Variants in NRXN3 observed in about 807,000 individuals in gnomAD.
NRXN3 encodes the protein neurexin 3, also known as neurexin III.
A neutral mutation model predicts 137.6 loss-of-function variants in NRXN3; 32 were observed. The observed-to-expected ratio is 0.23, with a 90% CI of 0.18 to 0.31. The LOEUF is 0.31. Ranked by LOEUF, NRXN3 falls within the 10% of genes least tolerant of loss-of-function variation. The pLI is 1.00. For missense variants in NRXN3, 1,574 were observed against 2,062.5 expected (o/e 0.76, Z 4.59); for synonymous variants, 798 against 784.5 (o/e 1.02, Z -0.29).
chr14:79,246,566 A>G (rs2075217852), intron 15 of NRXN3: 1 of 152,030 alleles, frequency 6.6e-6, no homozygotes, highest in Non-Finnish European at 1.5e-5. Context: ...TTTTTTTAAC[A>G]CACACACACA....
At chr14:79,253,192 G>T (rs568798693) in intron 15 of NRXN3, among the ~76,000 whole-genome samples, 13 of 152,270 alleles carry the variant, frequency 8.5e-5, no homozygotes, top group Admixed American at 4.6e-4. Flanking sequence ...GCAAAAGAAA[G>T]AATCCTGTCA....
intron 4 of NRXN3, among the ~76,000 whole-genome samples, chr14:78,530,390 C>A (rs2096443844): frequency 6.6e-6 from 1 of 152,148 alleles, no homozygotes; most frequent in Non-Finnish European, 1.5e-5. Context: ...TTACTTAGAC[C>A]CTTTTTATTT....
intron 4 of NRXN3, among the ~76,000 whole-genome samples, chr14:78,465,244 C>T (rs1286265305): frequency 6.6e-6 from 1 of 151,892 alleles, no homozygotes; most frequent in Non-Finnish European, 1.5e-5. Context: ...CACTATCATA[C>T]TTTTAGAGAA....
At chr14:78,488,466 A>G (rs1203594188) in intron 4 of NRXN3, among the ~76,000 whole-genome samples, 3 of 152,198 alleles carry the variant, frequency 2.0e-5, no homozygotes, top group Non-Finnish European at 4.4e-5. Flanking sequence ...AACATCCTAG[A>G]AATTAATTTA....
At chr14:78,935,489 C>G (rs2099334373) in intron 10 of NRXN3, among the ~76,000 whole-genome samples, 1 of 152,108 alleles carries the variant, frequency 6.6e-6, no homozygotes, top group African/African-American at 2.4e-5. Context: ...CCTATGCCCA[C>G]CCTCTCACAT....
At chr14:78,571,616 T>C (rs1338391152) in intron 4 of NRXN3, among the ~76,000 whole-genome samples, 1 of 152,162 alleles carries the variant, frequency 6.6e-6, no homozygotes, top group Non-Finnish European at 1.5e-5. Flanking sequence ...TCTTGGGTAT[T>C]TAGAATACAG....
chr14:79,168,518 T>G (rs958479820), intron 15 of NRXN3, among the ~76,000 whole-genome samples: 1 of 152,034 alleles, frequency 6.6e-6, no homozygotes, highest in African/African-American at 2.4e-5. Context: ...GTTTTTAAAT[T>G]TTTTAGGTGC....
intron 8 of NRXN3, among the ~76,000 whole-genome samples, chr14:78,794,694 T>C (rs1256203362): frequency 2.0e-5 from 3 of 152,010 alleles, no homozygotes; most frequent in Non-Finnish European, 4.4e-5. Flanking sequence ...CTGTTAATGA[T>C]GGCATGATTT....
intron 20 of NRXN3, among the ~76,000 whole-genome samples, chr14:79,857,333 T>C (rs1603620228): frequency 1.3e-5 from 2 of 152,318 alleles, no homozygotes; most frequent in South Asian, 4.1e-4. Flanking sequence ...GCCATTCTCC[T>C]GCCTCAGCCT....
chr14:78,389,118 C>A (rs987140604), intron 4 of NRXN3, among the ~76,000 whole-genome samples: 1 of 151,286 alleles, frequency 6.6e-6, no homozygotes, highest in Non-Finnish European at 1.5e-5. Context: ...TGCAGTGACA[C>A]CATCTCGGCT....
chr14:78,972,172 A>C (rs1213136649), intron 14 of NRXN3, among the ~76,000 whole-genome samples: 2 of 152,186 alleles, frequency 1.3e-5, no homozygotes, highest in East Asian at 3.9e-4. Context: ...TATTGAGGCC[A>C]GCTTTGCTGC....
At chr14:79,170,667 C>A (rs1347749875) in intron 15 of NRXN3, among the ~76,000 whole-genome samples, 4 of 152,050 alleles carry the variant, frequency 2.6e-5, no homozygotes, top group Non-Finnish European at 5.9e-5. Flanking sequence ...GGAATTGTCT[C>A]GACTTTTCCC....
chr14:79,770,952 G>A (rs1200465841), intron 19 of NRXN3, among the ~76,000 whole-genome samples: 5 of 152,044 alleles, frequency 3.3e-5, no homozygotes, highest in Non-Finnish European at 4.4e-5. Context: ...TATCACCACC[G>A]ATCCCACAGA....
chr14:79,401,561 C>T (rs906470113), intron 15 of NRXN3, among the ~76,000 whole-genome samples: 1 of 152,226 alleles, frequency 6.6e-6, no homozygotes, highest in Non-Finnish European at 1.5e-5. Context: ...TGAAGAATAG[C>T]GTCTTCTGCT....
intron 1 of NRXN3, among the ~76,000 whole-genome samples, chr14:78,215,811 T>A (rs545362199): frequency 8.0e-4 from 121 of 151,006 alleles, no homozygotes; most frequent in Middle Eastern, 6.8e-3. Context: ...AGGTGGCCAC[T>A]CTTTGGATCT....
At chr14:78,466,438 AGAG>A (rs2095108810) in intron 4 of NRXN3, among the ~76,000 whole-genome samples, 1 of 152,226 alleles carries the variant, frequency 6.6e-6, no homozygotes, top group African/African-American at 2.4e-5. Flanking sequence ...TTCTATGGAC[AGAG>A]GAGAACATTC....
chr14:78,651,753 T>C lies in NRXN3; in HGVS notation c.1221+427T>C, dbSNP rs185365059. On this transcript the variant is annotated intron_variant, in intron 6 of 20. Transcript: ENST00000335750. Reference sequence around the variant, plus strand: ...TAAAACCATCAGATCTTATGAGACTTATTCACTATCATGAGAACAGCATGG... The same window carrying C: ...TAAAACCATCAGATCTTATGAGACTCATTCACTATCATGAGAACAGCATGG... Among the ~76,000 whole-genome samples the C allele has an allele frequency of 2.0e-5, 3 of 150,810 alleles. No individual in the cohort carries two copies. The East Asian group carries it at 5.8e-4, about 29-fold the overall frequency.
At chr14:79,758,178 A>T (rs955602852) in intron 19 of NRXN3, among the ~76,000 whole-genome samples, 2 of 152,160 alleles carry the variant, frequency 1.3e-5, no homozygotes. Flanking sequence ...ATTCCCTCTT[A>T]TTCCCTTTAT....
In NRXN3 at chr14:78,325,158, C is replaced by T. The variant is rs538406033; in HGVS notation, c.757+27298C>T. On this transcript the variant is annotated intron_variant, in intron 4 of 20. Coordinates refer to ENST00000335750, the MANE Select transcript of NRXN3 (RefSeq NM_001330195.2). ...AAATATATAAAAATTAGCATCAGGA[C>T]AGGAATGAGACAAAGGTCCAAGGCC... is the stretch of plus-strand genomic sequence containing the variant. 1.5e-4 allele frequency among the ~76,000 whole-genome samples: 23 copies of T among 151,926 alleles called. 1 individual carries two copies. The highest frequency in any genetic ancestry group is 3.1e-4 in the Non-Finnish European group (21 of 68,018).
Sources: allele counts gnomAD v4.1 joint callset (sites outside exome capture counted in the v4.1 genomes callset), GRCh38; gene constraint gnomAD v4.1.1; transcripts MANE v1.5; gene names NCBI Gene and HGNC (gene_info 2026-07-23, HGNC 2026-07-21).